The following SFSWAP variants were observed in gnomAD, a reference collection of about 807,000 sequenced individuals.
The protein encoded by SFSWAP is splicing factor, suppressor of white-apricot homolog.
Under a neutral mutation model 100.7 loss-of-function variants are expected in SFSWAP, and 17 were observed. The ratio of observed to expected loss-of-function variants is 0.17; its 90% confidence interval spans 0.12 to 0.25. The LOEUF is 0.25. SFSWAP is among the 10% of genes least tolerant of loss of function. The pLI is 1.00. For missense variants in SFSWAP, 1,005 were observed against 1,262.6 expected, an observed-to-expected ratio of 0.80 and a Z score of 3.09; for synonymous variants, 504 against 510.1, an observed-to-expected ratio of 0.99 and a Z score of 0.16.
At position 131,734,739 on chromosome 12, in the gene SFSWAP, T is replaced by G. The variant is rs977068204; in HGVS notation, c.1081+6311T>G. 6.6e-6 allele frequency among the ~76,000 whole-genome samples: 1 copy of G among 152,044 alleles called. No individual in the cohort carries two copies. Among genetic ancestry groups the G allele is most frequent in the African/African-American group, 2.4e-5 (1 of 41,402 alleles). The stretch of plus-strand genomic sequence containing the variant: ...AGCACCTGGTGCTTCCTGGGAGAAG[T>G]CACCTGCACAGGTACCTTGGATCCA... On this transcript the variant is annotated intron_variant, in intron 7 of 17. Transcript: ENST00000261674. The surrounding 1 kb of genome is among the most constrained non-coding windows in gnomAD (Gnocchi z 4.9).
In SFSWAP at chr12:131,766,281, A is replaced by G; in HGVS notation, c.2115A>G (p.Lys705=). Residue 705 remains lysine, a synonymous_variant, in exon 13 of 18, where the codon AAA becomes AAG. Coordinates refer to ENST00000261674, the MANE Select transcript of SFSWAP (RefSeq NM_004592.4). Reference sequence around the variant, plus strand: ...CTCTGCCGGAAGCAGAAGCTGGGAAAATTGAGGAGAGTCCTTTCAGTGTCG... The same window carrying G: ...CTCTGCCGGAAGCAGAAGCTGGGAAGATTGAGGAGAGTCCTTTCAGTGTCG... ...KNPLPEAEAG[K]IEESPFSVEE... 1 of 1,614,152 alleles carries G rather than the reference A, an allele frequency of 6.2e-7. No individual in the cohort carries two copies. Among genetic ancestry groups the G allele is most frequent in the Non-Finnish European group, 8.5e-7 (1 of 1,180,036 alleles).
intron 7 of SFSWAP, among the ~76,000 whole-genome samples, chr12:131,732,252 A>G (rs1879586929): frequency 1.3e-5 from 2 of 152,306 alleles, no homozygotes; most frequent in African/African-American, 2.4e-5. Flanking sequence ...TACAAAGTTC[A>G]TAGAATAACT....
chr12:131,742,374 G>C (rs1365324271), intron 7 of SFSWAP, among the ~76,000 whole-genome samples: 3 of 152,106 alleles, frequency 2.0e-5, no homozygotes, highest in Non-Finnish European at 4.4e-5. Context: ...TTTTTACTTT[G>C]AGGGTCACTG....
At chr12:131,787,321 G>A (rs1197898149) in intron 15 of SFSWAP, among the ~76,000 whole-genome samples, 1 of 152,192 alleles carries the variant, frequency 6.6e-6, no homozygotes, top group Non-Finnish European at 1.5e-5. Context: ...CAGTAGCTGT[G>A]GACGGCCACC....
intron 11 of SFSWAP, among the ~76,000 whole-genome samples, chr12:131,763,888 AGGCCGAGGCAGGCG>A (rs558774719): frequency 6.6e-6 from 1 of 150,848 alleles, no homozygotes; most frequent in East Asian, 2.0e-4. Flanking sequence ...GCACTTTGGG[AGGCCGAGGCAGGCG>A]GATCACGAGG....
chr12:131,776,236 C>A (rs1038257510), intron 13 of SFSWAP, among the ~76,000 whole-genome samples: 7 of 152,054 alleles, frequency 4.6e-5, no homozygotes, highest in African/African-American at 1.7e-4. Flanking sequence ...CCAAAATGTC[C>A]CTGGAGATAA....
intron 16 of SFSWAP, 90 bp from the exon 17 acceptor site, chr12:131,798,947 T>G: frequency 1.1e-6 from 1 of 882,438 alleles, no homozygotes; most frequent in African/African-American, 1.7e-5. Context: ...AGTTCTAGAG[T>G]TGGGGTTCGG....
chr12:131,765,286 TATTCTAACTG>T, intron 12 of SFSWAP, among the ~76,000 whole-genome samples: 1 of 152,380 alleles, frequency 6.6e-6, no homozygotes, highest in East Asian at 1.9e-4. Context: ...GGTTGTTATC[TATTCTAACTG>T]ATTTTCTTAA....
chr12:131,764,318 C>A (rs1295375937), intron 11 of SFSWAP, 138 bp from the exon 12 acceptor site: 4 of 674,872 alleles, frequency 5.9e-6, no homozygotes, highest in Non-Finnish European at 7.7e-6. Flanking sequence ...GCACGGCGTC[C>A]CCCACCGTAG....
intron 14 of SFSWAP, among the ~76,000 whole-genome samples, chr12:131,781,238 T>TA (rs1346404854): frequency 0.011 from 1,560 of 142,994 alleles, 17 homozygotes; most frequent in African/African-American, 0.024. Context: ...CTTATTATTT[T>TA]TTTTTTTTTT....
At chr12:131,758,534 T>C (rs1004133203) in intron 11 of SFSWAP, among the ~76,000 whole-genome samples, 1 of 152,146 alleles carries the variant, frequency 6.6e-6, no homozygotes. Context: ...CATATGGGCA[T>C]CTCTGAAACA....
At position 131,725,651 on chromosome 12, in the gene SFSWAP, T is replaced by G; in HGVS notation, c.832+21T>G. 1 of 1,581,156 alleles carries G rather than the reference T, an allele frequency of 6.3e-7. No individual in the cohort carries two copies. Among genetic ancestry groups the G allele is most frequent in the Non-Finnish European group, 8.6e-7 (1 of 1,156,206 alleles). ...AAAAAGTAGGTCCCACTGCGTCTGT[T>G]CCGTCCAGACTTTGGGCCTGTGTTG... is the stretch of plus-strand genomic sequence containing the variant. On this transcript the variant is annotated intron_variant, in intron 5 of 17. Coordinates refer to ENST00000261674, the MANE Select transcript of SFSWAP (RefSeq NM_004592.4). This position sits in a 1 kb window ranked among gnomAD's most constrained non-coding sequence, Gnocchi z 4.3.
At chr12:131,728,525 T>A in intron 7 of SFSWAP, 97 bp downstream of exon 7, 2 of 1,370,784 alleles carry the variant, frequency 1.5e-6, no homozygotes, top group Non-Finnish European at 2.0e-6. Context: ...CCTCCAAGTG[T>A]AACAAGTATG....
chr12:131,727,900 G>C (rs1879132927), intron 6 of SFSWAP, among the ~76,000 whole-genome samples: 1 of 152,180 alleles, frequency 6.6e-6, no homozygotes. Context: ...GTTGTGCATT[G>C]TGGGTGACCT....
chr12:131,764,778 T>C, intron 12 of SFSWAP, 92 bp downstream of exon 12: 1 of 879,838 alleles, frequency 1.1e-6, no homozygotes, highest in Non-Finnish European at 1.8e-6. Context: ...GGCTGCCAAC[T>C]AGAATCTGAA....
chr12:131,746,190 C>T (rs1881086613), intron 7 of SFSWAP, among the ~76,000 whole-genome samples: 2 of 152,180 alleles, frequency 1.3e-5, no homozygotes, highest in South Asian at 4.1e-4. Flanking sequence ...GTGCAGCCCA[C>T]CTTGTATCTC....
chr12:131,721,267 GAC>G (rs1208983226), intron 4 of SFSWAP, among the ~76,000 whole-genome samples: 3 of 152,148 alleles, frequency 2.0e-5, no homozygotes, highest in Non-Finnish European at 4.4e-5. Context: ...TTTGGCTGGG[GAC>G]ACAGATCCAA....
At position 131,730,878 on chromosome 12, in the gene SFSWAP, C is replaced by A. The variant is rs1176333446; in HGVS notation, c.1081+2450C>A. On this transcript the variant is annotated intron_variant, in intron 7 of 17. Coordinates refer to ENST00000261674, the MANE Select transcript of SFSWAP (RefSeq NM_004592.4). The surrounding 1 kb of genome is among the most constrained non-coding windows in gnomAD (Gnocchi z 4.0). ...AACTCATCGTCTCCCCTCGACACAG[C>A]AAGAGTAGTGGATACACACATGTGA... Among the ~76,000 whole-genome samples the A allele has an allele frequency of 6.6e-6, 1 of 152,212 alleles. No homozygotes were observed. The highest frequency in any genetic ancestry group is 1.5e-5 in the Non-Finnish European group (1 of 68,038).
rs1881824493 is a variant in SFSWAP at position 131,753,225 on chromosome 12, C to A, written c.1184C>A (p.Thr395Asn). ...ATCGACGTGACTACTTACTACAGCA[C>A]CCTTCCTGCTGGCGTGACCGTGTCT... Reference protein sequence around the residue: ...PGIDVTTYYSTLPAGVTVSNS... With the variant: ...PGIDVTTYYSNLPAGVTVSNS... The change falls in exon 8 of 18, where the codon ACC (threonine) becomes AAC (asparagine). Residue 395 changes from threonine to asparagine, a missense_variant. By Grantham distance (65) the Thr-to-Asn change is moderately conservative (BLOSUM62 0). Coordinates refer to ENST00000261674, the MANE Select transcript of SFSWAP (RefSeq NM_004592.4). 5.6e-6 allele frequency: 9 copies of A among 1,614,222 alleles called. No homozygotes were observed. Among genetic ancestry groups the A allele is most frequent in the Non-Finnish European group, 7.6e-6 (9 of 1,180,034 alleles).
Sources: gnomAD v4.1 joint callset for allele counts (sites outside exome capture counted in the v4.1 genomes callset) on GRCh38, gnomAD v4.1.1 for gene constraint, Gnocchi (gnomAD v3.1) non-coding constraint, MANE v1.5 for transcripts, NCBI Gene and HGNC (gene_info 2026-07-23, HGNC 2026-07-21) for gene names.